Variants in CNTN5 observed in about 807,000 individuals in gnomAD.
The protein encoded by CNTN5 is contactin 5.
A neutral mutation model predicts 129.1 loss-of-function variants in CNTN5; 77 were observed. That is an observed-to-expected ratio of 0.60 (90% CI 0.50 to 0.72). The LOEUF is 0.72. Among genes scored for constraint, CNTN5 ranks in the 30% least tolerant of loss-of-function variants. CNTN5 has a pLI of 0.00. For synonymous variants in CNTN5, 509 were observed against 465.6 expected (o/e 1.09, Z -1.20); for missense variants, 1,478 against 1,328.8 (o/e 1.11, Z -1.75).
intron 3 of CNTN5, among the ~76,000 whole-genome samples, chr11:99,799,058 T>G (rs1050803983): frequency 1.3e-5 from 2 of 152,112 alleles, no homozygotes; most frequent in Non-Finnish European, 2.9e-5. Context: ...TGTTATGGTC[T>G]TAGCTTGACT....
chr11:99,773,218 G>C (rs1051018062), intron 3 of CNTN5, among the ~76,000 whole-genome samples: 2 of 152,010 alleles, frequency 1.3e-5, no homozygotes, highest in East Asian at 3.9e-4. Flanking sequence ...ATTTATCAAA[G>C]ATAACAAGGT....
intron 9 of CNTN5, among the ~76,000 whole-genome samples, chr11:100,057,114 T>G (rs12786486): frequency 0.072 from 10,921 of 150,648 alleles, 509 homozygotes; most frequent in East Asian, 0.19. Flanking sequence ...GATAGTCATA[T>G]GATTTTATTA....
chr11:99,338,172 C>A (rs1205895336), intron 2 of CNTN5, among the ~76,000 whole-genome samples: 1 of 152,154 alleles, frequency 6.6e-6, no homozygotes. Flanking sequence ...ATATGCAACA[C>A]AATGAAATAT....
intron 3 of CNTN5, among the ~76,000 whole-genome samples, chr11:99,713,937 A>G (rs568753353): frequency 4.6e-5 from 7 of 152,076 alleles, no homozygotes; most frequent in African/African-American, 1.4e-4. Flanking sequence ...TATTCTTAAT[A>G]GAATTCTTAG....
chr11:99,355,826 T>TTG (rs1565516134), intron 2 of CNTN5, among the ~76,000 whole-genome samples: 3 of 151,064 alleles, frequency 2.0e-5, no homozygotes, highest in African/African-American at 4.9e-5. Flanking sequence ...TTTTTGTTTT[T>TTG]TTTTTTTTTG....
chr11:99,281,499 A>G lies in CNTN5; in HGVS notation c.-209-43847A>G, dbSNP rs183250812. Among the ~76,000 whole-genome samples the G allele has an allele frequency of 2.4e-3, 358 of 152,108 alleles. 1 individual carries two copies. Among genetic ancestry groups the G allele is most frequent in the African/African-American group, 8.1e-3 (336 of 41,534 alleles). ...CATAGCTCAGGTGGTTCTCACTCAC[A>G]GGTTTCTGCCTGACCCTGCTTGTGC... On this transcript the variant is annotated intron_variant, in intron 1 of 24. Coordinates refer to ENST00000524871, the MANE Select transcript of CNTN5 (RefSeq NM_014361.4).
intron 7 of CNTN5, 141 bp from the exon 8 acceptor site, chr11:99,956,665 T>C (rs900816715): frequency 2.0e-5 from 12 of 606,196 alleles, no homozygotes; most frequent in African/African-American, 9.3e-5. Context: ...GAATATAAAA[T>C]ACTAAATTAT....
intron 2 of CNTN5, among the ~76,000 whole-genome samples, chr11:99,345,012 A>T (rs1425180982): frequency 6.6e-6 from 1 of 152,182 alleles, no homozygotes; most frequent in Non-Finnish European, 1.5e-5. Context: ...AACAGAAAAC[A>T]TAATGGACAT....
At chr11:99,879,792 G>T (rs989585429) in intron 6 of CNTN5, among the ~76,000 whole-genome samples, 10 of 152,142 alleles carry the variant, frequency 6.6e-5, no homozygotes, top group African/African-American at 2.4e-4. Flanking sequence ...ATAAAAGAAA[G>T]AGATTAAGAA....
At chr11:99,507,044 A>G (rs1020152095) in intron 2 of CNTN5, among the ~76,000 whole-genome samples, 1 of 152,216 alleles carries the variant, frequency 6.6e-6, no homozygotes, top group African/African-American at 2.4e-5. Context: ...ATTTTTAAAA[A>G]TAAAAAGTGT....
chr11:99,225,328 T>A lies in CNTN5; in HGVS notation c.-209-100018T>A, dbSNP rs145709649. Among the ~76,000 whole-genome samples, 49 of 152,240 alleles carry A rather than the reference T, an allele frequency of 3.2e-4. No individual in the cohort carries two copies. In the East Asian group the frequency reaches 7.2e-3, roughly 22 times the overall value. ...GAGAGAAGAGTGAAAGAAAGCATGGTTACCGCTGGAAAGGCTATTGCCTTT... is the reference window on the plus strand; with the variant it reads ...GAGAGAAGAGTGAAAGAAAGCATGGATACCGCTGGAAAGGCTATTGCCTTT... On this transcript the variant is annotated intron_variant, in intron 1 of 24. Transcript: ENST00000524871.
intron 9 of CNTN5, among the ~76,000 whole-genome samples, chr11:100,038,035 T>C (rs1476890548): frequency 1.3e-5 from 2 of 151,966 alleles, no homozygotes; most frequent in Non-Finnish European, 2.9e-5. Flanking sequence ...GCTCTTGCTT[T>C]TCTAGTTCTT....
intron 16 of CNTN5, among the ~76,000 whole-genome samples, chr11:100,250,219 C>G (rs1949935983): frequency 6.6e-6 from 1 of 151,996 alleles, no homozygotes; most frequent in Admixed American, 6.6e-5. Context: ...GAAAAAAAAC[C>G]CTGTTAACCC....
chr11:99,398,610 C>T lies in CNTN5; in HGVS notation c.-71+73126C>T, dbSNP rs934412459. Among the ~76,000 whole-genome samples, 6 of 151,908 alleles carry T rather than the reference C, an allele frequency of 3.9e-5. No homozygotes were observed. The South Asian group carries it at 6.2e-4, about 16-fold the overall frequency. ...ATCATATAATTGGAATTATATAGTA[C>T]GTAGCTTTTCAGAATGGCTGTATTT... On this transcript the variant is annotated intron_variant, in intron 2 of 24. Coordinates refer to ENST00000524871, the MANE Select transcript of CNTN5 (RefSeq NM_014361.4).
intron 1 of CNTN5, among the ~76,000 whole-genome samples, chr11:99,069,171 T>C (rs1480182903): frequency 6.6e-6 from 1 of 152,120 alleles, no homozygotes; most frequent in Non-Finnish European, 1.5e-5. Context: ...GAAAATGAGG[T>C]GTTTTTTTCC....
At chr11:99,932,359 A>C (rs1272036928) in intron 7 of CNTN5, among the ~76,000 whole-genome samples, 1 of 151,808 alleles carries the variant, frequency 6.6e-6, no homozygotes, top group Non-Finnish European at 1.5e-5. Context: ...CGCCTGGCTA[A>C]TTTTTGTATT....
intron 3 of CNTN5, among the ~76,000 whole-genome samples, chr11:99,630,531 C>G (rs1437499047): frequency 1.3e-5 from 2 of 151,856 alleles, no homozygotes; most frequent in African/African-American, 4.8e-5. Context: ...TGCCTCACCC[C>G]CCGTTTCACA....
chr11:100,253,123 A>ACAC (rs1256928450), intron 16 of CNTN5, among the ~76,000 whole-genome samples: 1 of 151,048 alleles, frequency 6.6e-6, no homozygotes, highest in Non-Finnish European at 1.5e-5. Context: ...CTATCTCTAC[A>ACAC]ACATAAAGTG....
chr11:99,844,588 A>G, intron 4 of CNTN5: 1 of 426,110 alleles, frequency 2.3e-6, no homozygotes, highest in Non-Finnish European at 4.3e-6. Context: ...AAACAAAGAT[A>G]TATATTTAAA....
Sources: allele counts gnomAD v4.1 joint callset (sites outside exome capture counted in the v4.1 genomes callset), GRCh38; gene constraint gnomAD v4.1.1; transcripts MANE v1.5; gene names NCBI Gene and HGNC (gene_info 2026-07-23, HGNC 2026-07-21).